Variants in HMGCLL1 observed in about 807,000 individuals in gnomAD.
HMGCLL1 encodes the protein 3-hydroxy-3-methylglutaryl-CoA lyase like 1.
In HMGCLL1, 36 loss-of-function variants were observed where a neutral mutation model predicts 39.1. The ratio of observed to expected loss-of-function variants is 0.92; its 90% CI spans 0.71 to 1.22. The LOEUF (loss-of-function observed/expected upper bound fraction) is 1.22. Ranked by LOEUF, HMGCLL1 falls within the 50% of genes most tolerant of loss-of-function variation. HMGCLL1 has a pLI of 0.00. For synonymous variants in HMGCLL1, 149 were observed against 144.0 expected (o/e 1.03, Z -0.25); for missense variants, 451 against 416.5 (o/e 1.08, Z -0.72).
intron 7 of HMGCLL1, among the ~76,000 whole-genome samples, chr6:55,467,392 T>C (rs1011131889): frequency 2.6e-5 from 4 of 152,110 alleles, no homozygotes; most frequent in African/African-American, 7.2e-5. Flanking sequence ...TGGAAATAAG[T>C]TGCCATGCCA....
At chr6:55,644,419 A>G in the HMGCLL1 span, among the ~76,000 whole-genome samples, 1 of 151,928 alleles carries the variant, frequency 6.6e-6, no homozygotes, top group Non-Finnish European at 1.5e-5. Flanking sequence ...CTGTTTGTCC[A>G]TGTTTGCCTT....
the HMGCLL1 span, among the ~76,000 whole-genome samples, chr6:55,664,876 C>G: frequency 1.3e-5 from 2 of 151,664 alleles, no homozygotes; most frequent in African/African-American, 2.4e-5. Context: ...TACATGGCAG[C>G]TGGCCTTTCC....
chr6:55,642,043 T>A, the HMGCLL1 span, among the ~76,000 whole-genome samples: 2 of 126,170 alleles, frequency 1.6e-5, no homozygotes, highest in South Asian at 5.8e-4. Flanking sequence ...TATCTCCCAA[T>A]GCTATCCCTC....
At chr6:55,500,198 A>C (rs952522720) in intron 5 of HMGCLL1, among the ~76,000 whole-genome samples, 5 of 151,992 alleles carry the variant, frequency 3.3e-5, no homozygotes, top group African/African-American at 1.2e-4. Flanking sequence ...TTTAGAAAGC[A>C]AAGCCTTTGA....
chr6:55,565,795 A>C (rs1395314310), intron 1 of HMGCLL1, among the ~76,000 whole-genome samples: 1 of 152,084 alleles, frequency 6.6e-6, no homozygotes. Flanking sequence ...ATGGGGGCTA[A>C]GTGATAGTAG....
chr6:55,524,032 T>A (rs555671811), intron 3 of HMGCLL1, among the ~76,000 whole-genome samples: 1 of 152,088 alleles, frequency 6.6e-6, no homozygotes, highest in South Asian at 2.1e-4. Context: ...CTGTAGTAGT[T>A]CTTCTAAAAT....
In HMGCLL1 at chr6:55,536,974, A is replaced by G. The variant is rs374795728; in HGVS notation, c.297+4755T>C. 1.2e-4 allele frequency among the ~76,000 whole-genome samples: 18 copies of G among 152,204 alleles called. No homozygotes were observed. In the East Asian group the frequency reaches 2.5e-3, roughly 21 times the overall value. ...GATGTAGAGAATTAATAGAATACCAATTTAGATCCACACACATTGTCCTTA... is the reference window on the plus strand; with the variant it reads ...GATGTAGAGAATTAATAGAATACCAGTTTAGATCCACACACATTGTCCTTA... On this transcript the variant is annotated intron_variant, in intron 3 of 8. Coordinates refer to ENST00000274901, the MANE Select transcript of HMGCLL1 (RefSeq NM_001042406.2).
the HMGCLL1 span, among the ~76,000 whole-genome samples, chr6:55,617,682 T>C: frequency 6.6e-6 from 1 of 152,092 alleles, no homozygotes; most frequent in Non-Finnish European, 1.5e-5. Context: ...GCTGGTGGAA[T>C]TGTAAACTGG....
chr6:55,507,334 TCTC>T (rs377120149), intron 5 of HMGCLL1, among the ~76,000 whole-genome samples: 1 of 151,674 alleles, frequency 6.6e-6, no homozygotes, highest in Admixed American at 6.6e-5. Flanking sequence ...TTGGAATACA[TCTC>T]CTGCAGACAA....
chr6:55,597,497 C>T, the HMGCLL1 span, among the ~76,000 whole-genome samples: 1 of 144,586 alleles, frequency 6.9e-6, no homozygotes, highest in Non-Finnish European at 1.5e-5. Flanking sequence ...AATTGAAGTA[C>T]AAAACATATT....
At chr6:55,517,052 C>T (rs1423883370) in intron 3 of HMGCLL1, among the ~76,000 whole-genome samples, 1 of 152,002 alleles carries the variant, frequency 6.6e-6, no homozygotes, top group East Asian at 1.9e-4. Context: ...TACACATATT[C>T]TTTAGAACAG....
chr6:55,617,648 A>G, the HMGCLL1 span, among the ~76,000 whole-genome samples: 1 of 152,162 alleles, frequency 6.6e-6, no homozygotes, highest in Admixed American at 6.6e-5. Flanking sequence ...GCGAGAATGT[A>G]GAGCAACGAC....
chr6:55,577,663 A>T (rs2127480351), intron 1 of HMGCLL1, among the ~76,000 whole-genome samples: 1 of 152,348 alleles, frequency 6.6e-6, no homozygotes, highest in East Asian at 1.9e-4. Context: ...TATAATATTC[A>T]CTCAAAAAGA....
the HMGCLL1 span, among the ~76,000 whole-genome samples, chr6:55,662,697 A>G: frequency 1.3e-5 from 2 of 151,800 alleles, no homozygotes; most frequent in African/African-American, 4.8e-5. Flanking sequence ...GGCCTCATAG[A>G]ATGAGTTAGG....
chr6:55,501,185 G>T (rs1449713790), intron 5 of HMGCLL1, among the ~76,000 whole-genome samples: 1 of 151,668 alleles, frequency 6.6e-6, no homozygotes, highest in East Asian at 1.9e-4. Context: ...TCACGCATGC[G>T]GCTACTTTCT....
chr6:55,603,501 C>T, the HMGCLL1 span, among the ~76,000 whole-genome samples: 6 of 151,974 alleles, frequency 3.9e-5, no homozygotes, highest in Non-Finnish European at 7.4e-5. Context: ...CTCTTCTGTA[C>T]ACTCAACACA....
rs1431723043 is a variant in HMGCLL1 at position 55,496,774 on chromosome 6, T to C, written c.607-1167A>G. On this transcript the variant is annotated intron_variant, in intron 6 of 8. Coordinates refer to ENST00000274901, the MANE Select transcript of HMGCLL1 (RefSeq NM_001042406.2). ...CATAGATTGAGGTCTCCAGCTACAT[T>C]TGCCCACCATTTCAAGATAACGAAA... Among the ~76,000 whole-genome samples the C allele has an allele frequency of 3.9e-5, 6 of 152,098 alleles. No homozygotes were observed. In the South Asian group the frequency reaches 1.2e-3, roughly 31 times the overall value.
At chr6:55,514,592 C>G (rs1050755529) in intron 4 of HMGCLL1, among the ~76,000 whole-genome samples, 5 of 152,104 alleles carry the variant, frequency 3.3e-5, no homozygotes, top group African/African-American at 1.2e-4. Context: ...AAGATACTAA[C>G]TACTTTGTTT....
At chr6:55,443,112 T>A in intron 7 of HMGCLL1, among the ~76,000 whole-genome samples, 1 of 144,464 alleles carries the variant, frequency 6.9e-6, no homozygotes, top group Admixed American at 6.9e-5. Flanking sequence ...TCCTAGAATC[T>A]CCTCTTATCC....
Sources: allele counts gnomAD v4.1 joint callset (sites outside exome capture counted in the v4.1 genomes callset), GRCh38; gene constraint gnomAD v4.1.1; transcripts MANE v1.5; gene names NCBI Gene and HGNC (gene_info 2026-07-23, HGNC 2026-07-21).